MYLK: variants seen among roughly 807,000 people sequenced by gnomAD.
MYLK encodes myosin light chain kinase.
In MYLK, 106 loss-of-function variants were observed where a neutral mutation model predicts 203.4. The ratio of observed to expected loss-of-function variants is 0.52; its 90% CI spans 0.45 to 0.61. The LOEUF is 0.61. Among genes scored for constraint, MYLK ranks in the 20% least tolerant of loss-of-function variants. The pLI, the probability that MYLK is intolerant of heterozygous loss-of-function variation, is 0.00. For synonymous variants in MYLK, 867 were observed against 959.5 expected (o/e 0.90, Z 1.78); for missense variants, 2,072 against 2,442.3 (o/e 0.85, Z 3.20).
chr3:123,742,570 T>C (rs1274008465), intron 5 of MYLK, among the ~76,000 whole-genome samples: 1 of 152,084 alleles, frequency 6.6e-6, no homozygotes, highest in Non-Finnish European at 1.5e-5. Flanking sequence ...GGCATCCAAA[T>C]AGAGGATGGA....
intron 2 of MYLK, among the ~76,000 whole-genome samples, chr3:123,868,857 C>T (rs978728951): frequency 2.6e-5 from 4 of 152,128 alleles, no homozygotes; most frequent in Non-Finnish European, 4.4e-5. Flanking sequence ...ATTTTACATG[C>T]CACGTTGAAT....
chr3:123,748,843 G>A (rs1269722082), intron 5 of MYLK, among the ~76,000 whole-genome samples: 3 of 152,148 alleles, frequency 2.0e-5, no homozygotes, highest in Admixed American at 2.0e-4. Context: ...GGCTGAGGTA[G>A]GCGGATCACA....
intron 4 of MYLK, among the ~76,000 whole-genome samples, chr3:123,766,832 C>A (rs1215698496): frequency 6.6e-6 from 1 of 152,188 alleles, no homozygotes; most frequent in African/African-American, 2.4e-5. Flanking sequence ...CCAGGGGTTG[C>A]AGAAAAGAAA....
At chr3:123,797,589 C>T (rs777840569) in intron 3 of MYLK, among the ~76,000 whole-genome samples, 2 of 152,198 alleles carry the variant, frequency 1.3e-5, no homozygotes, top group South Asian at 2.1e-4. Context: ...CAGCCAGGAC[C>T]GGGTAGAGAC....
At chr3:123,674,655 T>G (rs1470756533) in intron 20 of MYLK, among the ~76,000 whole-genome samples, 2 of 152,262 alleles carry the variant, frequency 1.3e-5, no homozygotes, top group African/African-American at 4.8e-5. Context: ...CTGCTACTGC[T>G]GCTGGTCCCT....
At chr3:123,807,014 G>C (rs2065392395) in intron 3 of MYLK, among the ~76,000 whole-genome samples, 1 of 152,100 alleles carries the variant, frequency 6.6e-6, no homozygotes, top group South Asian at 2.1e-4. Context: ...AACACCCGAA[G>C]CTCAAAGACC....
At chr3:123,785,617 A>T (rs1461242574) in intron 4 of MYLK, among the ~76,000 whole-genome samples, 1 of 152,258 alleles carries the variant, frequency 6.6e-6, no homozygotes, top group Non-Finnish European at 1.5e-5. Flanking sequence ...TGAATGGGAC[A>T]ACTATTTCCA....
intron 11 of MYLK, among the ~76,000 whole-genome samples, chr3:123,727,887 G>A (rs920583099): frequency 6.6e-6 from 1 of 152,146 alleles, no homozygotes; most frequent in Non-Finnish European, 1.5e-5. Context: ...CTTGGGAAGG[G>A]AAACAGACAG....
intron 16 of MYLK, among the ~76,000 whole-genome samples, chr3:123,707,171 A>G (rs1560106965): frequency 6.6e-6 from 1 of 152,148 alleles, no homozygotes; most frequent in African/African-American, 2.4e-5. Context: ...TCCCACCAAC[A>G]GCCAGTGAGG....
At chr3:123,743,487 A>C (rs2062921959) in intron 5 of MYLK, among the ~76,000 whole-genome samples, 1 of 152,246 alleles carries the variant, frequency 6.6e-6, no homozygotes, top group African/African-American at 2.4e-5. Context: ...TTGTTAGATA[A>C]GGCAAAATTA....
chr3:123,759,145 G>A (rs930752198), intron 4 of MYLK, among the ~76,000 whole-genome samples: 1 of 152,174 alleles, frequency 6.6e-6, no homozygotes, highest in African/African-American at 2.4e-5. Flanking sequence ...AATTTTAAGT[G>A]TGATGGGCAA....
At chr3:123,841,901 A>G (rs925955261) in intron 2 of MYLK, among the ~76,000 whole-genome samples, 1 of 152,186 alleles carries the variant, frequency 6.6e-6, no homozygotes, top group African/African-American at 2.4e-5. Flanking sequence ...GGGTTAAAAA[A>G]GAGAACTAAC....
chr3:123,865,904 G>C (rs1356298396), intron 2 of MYLK, among the ~76,000 whole-genome samples: 1 of 152,144 alleles, frequency 6.6e-6, no homozygotes, highest in Non-Finnish European at 1.5e-5. Flanking sequence ...TGCTCCTTCT[G>C]GGAACACTTG....
intron 1 of MYLK, among the ~76,000 whole-genome samples, chr3:123,879,582 C>G (rs1483481818): frequency 1.3e-5 from 2 of 152,144 alleles, no homozygotes; most frequent in African/African-American, 4.8e-5. Flanking sequence ...AGCTCTCTTG[C>G]TACCCACCCA....
chr3:123,852,421 T>G (rs1467034582), intron 2 of MYLK, among the ~76,000 whole-genome samples: 1 of 152,198 alleles, frequency 6.6e-6, no homozygotes, highest in Non-Finnish European at 1.5e-5. Flanking sequence ...GTTATTGGTC[T>G]ATTCAGGGAT....
intron 19 of MYLK, among the ~76,000 whole-genome samples, chr3:123,683,632 C>G (rs1047507902): frequency 2.6e-5 from 4 of 152,314 alleles, no homozygotes; most frequent in African/African-American, 9.6e-5. Flanking sequence ...GTGCCTGCCT[C>G]CTCTCTGCTA....
At chr3:123,748,142 G>T (rs186574550) in intron 5 of MYLK, among the ~76,000 whole-genome samples, 118 of 152,336 alleles carry the variant, frequency 7.7e-4, no homozygotes, top group Non-Finnish European at 1.5e-3. Context: ...ATGGAGGAAG[G>T]TGAAGCAGGA....
At chr3:123,814,166 C>T (rs1560251581) in intron 3 of MYLK, 1 of 350,272 alleles carries the variant, frequency 2.9e-6, no homozygotes, top group Admixed American at 2.8e-5. Context: ...GGGCCCTGTT[C>T]CTGTGTCTCG....
chr3:123,704,704 C>A (rs1415675801), intron 16 of MYLK, among the ~76,000 whole-genome samples: 2 of 146,266 alleles, frequency 1.4e-5, no homozygotes, highest in African/African-American at 5.1e-5. Context: ...GAGATTGAGA[C>A]CATCCTGGCT....
Sources: allele counts gnomAD v4.1 joint callset (sites outside exome capture counted in the v4.1 genomes callset), GRCh38; gene constraint gnomAD v4.1.1; transcripts MANE v1.5; gene names NCBI Gene and HGNC (gene_info 2026-07-23, HGNC 2026-07-21).